Variants in PPP3CC observed in about 807,000 individuals in gnomAD.
The protein encoded by PPP3CC is protein phosphatase 3 catalytic subunit gamma.
PPP3CC carries 35 observed loss-of-function variants against 60.3 expected under a neutral mutation model. That is an observed-to-expected ratio of 0.58 (90% CI 0.44 to 0.77). PPP3CC has a LOEUF of 0.77. Among genes scored for constraint, PPP3CC ranks in the 30% least tolerant of loss-of-function variants. PPP3CC has a pLI of 0.00. For missense variants in PPP3CC, 570 were observed against 628.9 expected (o/e 0.91, Z 1.00); for synonymous variants, 206 against 224.3 (o/e 0.92, Z 0.73).
intron 12 of PPP3CC, among the ~76,000 whole-genome samples, chr8:22,538,542 G>T (rs1839893641): frequency 6.6e-6 from 1 of 152,182 alleles, no homozygotes; most frequent in Non-Finnish European, 1.5e-5. Flanking sequence ...GCAGCAAACT[G>T]TTACTGCTCA....
chr8:22,448,381 GT>G (rs34309415), intron 1 of PPP3CC, among the ~76,000 whole-genome samples: 65 of 135,082 alleles, frequency 4.8e-4, no homozygotes, highest in South Asian at 7.0e-4. Flanking sequence ...CCTTTTTTTT[GT>G]TTTTTTTTTT....
At chr8:22,527,129 T>C (rs922976031) in intron 8 of PPP3CC, among the ~76,000 whole-genome samples, 1 of 152,256 alleles carries the variant, frequency 6.6e-6, no homozygotes, top group African/African-American at 2.4e-5. Flanking sequence ...ATAGTTACTG[T>C]GCAGTGACTC....
chr8:22,489,703 T>TTATATATAAGTATATATTATATATTA (rs1838333432), intron 3 of PPP3CC, among the ~76,000 whole-genome samples: 1 of 136,822 alleles, frequency 7.3e-6, no homozygotes, highest in Non-Finnish European at 1.5e-5. Context: ...ATATTATATA[T>TTATATATAAGTATATATTATATATTA]TATATATAAG....
chr8:22,515,096 C>G (rs1839207951), intron 6 of PPP3CC, among the ~76,000 whole-genome samples: 1 of 151,982 alleles, frequency 6.6e-6, no homozygotes, highest in African/African-American at 2.4e-5. Flanking sequence ...TTTTTTTCGA[C>G]CCATTAACTA....
intron 3 of PPP3CC, among the ~76,000 whole-genome samples, chr8:22,481,061 G>A (rs532218692): frequency 1.1e-3 from 162 of 152,260 alleles, no homozygotes; most frequent in African/African-American, 3.5e-3. Context: ...TTGGCTGTGC[G>A]CAGTGGCTCA....
At chr8:22,489,145 G>T (rs910840090) in intron 3 of PPP3CC, among the ~76,000 whole-genome samples, 1 of 152,058 alleles carries the variant, frequency 6.6e-6, no homozygotes. Flanking sequence ...AGCAGGTGCA[G>T]GGAGACCAGT....
chr8:22,507,291 A>G (rs1481934724), intron 4 of PPP3CC, among the ~76,000 whole-genome samples: 5 of 152,308 alleles, frequency 3.3e-5, no homozygotes, highest in African/African-American at 1.2e-4. Context: ...ACTAGTTAGA[A>G]CTTGTATCAG....
rs756565322 is a variant in PPP3CC at position 22,511,111 on chromosome 8, G to A, written c.510G>A (p.Val170=). ...QECRIKYSEQ[V]YDACMETFDC... ...GTCGAATCAAATATTCGGAACAGGT[G>A]TATGATGCCTGTATGGAGACATTTG... Residue 170 remains valine, a synonymous_variant, in exon 5 of 14, where the codon GTG becomes GTA. Coordinates refer to ENST00000240139, the MANE Select transcript of PPP3CC (RefSeq NM_005605.5). The A allele has an allele frequency of 1.2e-6, 2 of 1,613,968 alleles. No individual in the cohort carries two copies. Among genetic ancestry groups the A allele is most frequent in the East Asian group, 2.2e-5 (1 of 44,884 alleles).
intron 4 of PPP3CC, among the ~76,000 whole-genome samples, chr8:22,502,930 C>T (rs1447182077): frequency 1.3e-5 from 2 of 152,028 alleles, no homozygotes; most frequent in African/African-American, 4.8e-5. Flanking sequence ...GTTGCCCAGG[C>T]TAATCTCAAA....
chr8:22,465,667 A>T (rs74435648), intron 1 of PPP3CC, among the ~76,000 whole-genome samples: 2 of 152,062 alleles, frequency 1.3e-5, no homozygotes, highest in African/African-American at 4.8e-5. Flanking sequence ...TGGCCCCTCA[A>T]TCTTGAACTT....
intron 3 of PPP3CC, among the ~76,000 whole-genome samples, chr8:22,495,319 A>G (rs577012089): frequency 6.6e-6 from 1 of 152,212 alleles, no homozygotes; most frequent in Admixed American, 6.5e-5. Flanking sequence ...GATCTTTCTC[A>G]TCCTTGTGCT....
intron 1 of PPP3CC, among the ~76,000 whole-genome samples, chr8:22,461,750 A>T (rs929756824): frequency 1.3e-4 from 20 of 152,356 alleles, no homozygotes; most frequent in African/African-American, 4.8e-4. Flanking sequence ...ACAGGATTTT[A>T]GGAGCTGTTA....
intron 8 of PPP3CC, among the ~76,000 whole-genome samples, chr8:22,523,411 T>C (rs1268485910): frequency 2.6e-5 from 4 of 152,218 alleles, no homozygotes; most frequent in Non-Finnish European, 4.4e-5. Flanking sequence ...TTATAAGTTT[T>C]CTATCGAGGC....
At chr8:22,517,978 A>AT (rs1839298056) in intron 6 of PPP3CC, among the ~76,000 whole-genome samples, 1 of 151,364 alleles carries the variant, frequency 6.6e-6, no homozygotes, top group Admixed American at 6.6e-5. Flanking sequence ...TTAAATCGGC[A>AT]TTTATTACTA....
chr8:22,463,543 A>G (rs1228719532), intron 1 of PPP3CC, among the ~76,000 whole-genome samples: 2 of 152,212 alleles, frequency 1.3e-5, no homozygotes, highest in East Asian at 3.8e-4. Flanking sequence ...CAGCATTATC[A>G]GAATGGAAGG....
chr8:22,521,413 G>A (rs1024852416), intron 6 of PPP3CC, among the ~76,000 whole-genome samples: 9 of 152,140 alleles, frequency 5.9e-5, no homozygotes, highest in Admixed American at 2.6e-4. Context: ...GACTGGAGCC[G>A]GGTTTACAAG....
chr8:22,511,338 G>T, intron 5 of PPP3CC, 107 bp downstream of exon 5: 1 of 1,230,482 alleles, frequency 8.1e-7, no homozygotes, highest in Non-Finnish European at 1.1e-6. Flanking sequence ...CACCCGGGCT[G>T]AAGTACAGTG....
chr8:22,530,210 T>C (rs576386340), intron 10 of PPP3CC, among the ~76,000 whole-genome samples: 1 of 152,190 alleles, frequency 6.6e-6, no homozygotes, highest in Non-Finnish European at 1.5e-5. Context: ...CCAGTTCTTC[T>C]TGAGGAAATA....
Position 22,505,735 on chromosome 8 carries a change from G to A in PPP3CC, c.485-5351G>A, listed in dbSNP as rs1324324143. Among the ~76,000 whole-genome samples, 2 of 152,170 alleles carry A rather than the reference G, an allele frequency of 1.3e-5. 1 individual carries two copies. Among genetic ancestry groups the A allele is most frequent in the Non-Finnish European group, 2.9e-5 (2 of 68,032 alleles). The stretch of plus-strand genomic sequence containing the variant: ...GGAAATGAAGATCCAGAGACTCAGA[G>A]TTGAACACTTACATGCTGAATCGGA... On this transcript the variant is annotated intron_variant, in intron 4 of 13. Transcript: ENST00000240139.
Sources: allele counts gnomAD v4.1 joint callset (sites outside exome capture counted in the v4.1 genomes callset), GRCh38; gene constraint gnomAD v4.1.1; transcripts MANE v1.5; gene names NCBI Gene and HGNC (gene_info 2026-07-23, HGNC 2026-07-21).